The following GRIP1 variants were observed in gnomAD, a reference collection of about 807,000 sequenced individuals.
GRIP1 encodes glutamate receptor-interacting protein 1.
A neutral mutation model predicts 129.9 loss-of-function variants in GRIP1; 45 were observed. That is an observed-to-expected ratio of 0.35 (90% confidence interval 0.27 to 0.44). The LOEUF is 0.44. GRIP1 is among the 20% of genes least tolerant of loss of function. The probability of loss-of-function intolerance (pLI) is 1.00; values close to 1 mark genes in which losing one functional copy is unlikely to be tolerated. For synonymous variants in GRIP1, 530 were observed against 520.8 expected, an observed-to-expected ratio of 1.02 and a Z score of -0.24; for missense variants, 1,196 against 1,396.8, an observed-to-expected ratio of 0.86 and a Z score of 2.29.
chr12:66,440,952 C>T (rs2058455431), intron 13 of GRIP1, among the ~76,000 whole-genome samples: 1 of 152,260 alleles, frequency 6.6e-6, no homozygotes, highest in Middle Eastern at 3.4e-3. Flanking sequence ...AAAGAGGAGC[C>T]CACAATGGTG....
intron 1 of GRIP1, among the ~76,000 whole-genome samples, chr12:66,642,137 A>G (rs945923694): frequency 1.3e-5 from 2 of 152,118 alleles, no homozygotes; most frequent in Non-Finnish European, 2.9e-5. Flanking sequence ...ATCCTAGGGG[A>G]TGTTACAGGT....
intron 16 of GRIP1, among the ~76,000 whole-genome samples, chr12:66,403,219 G>T (rs1240320337): frequency 3.3e-5 from 5 of 151,836 alleles, no homozygotes; most frequent in African/African-American, 1.2e-4. Context: ...TGAGATTTTT[G>T]TGCACCCATC....
chr12:66,884,110 C>T (rs1013104102), intron 1 of GRIP1, among the ~76,000 whole-genome samples: 2 of 152,170 alleles, frequency 1.3e-5, no homozygotes, highest in Admixed American at 1.3e-4. Flanking sequence ...TATGTGAGTG[C>T]CTTTTGTTTA....
chr12:66,904,302 T>C (rs989824468), intron 1 of GRIP1, among the ~76,000 whole-genome samples: 1 of 152,194 alleles, frequency 6.6e-6, no homozygotes, highest in Middle Eastern at 3.2e-3. Context: ...AACCCCTGCA[T>C]GGTGGTGCTG....
intron 1 of GRIP1, among the ~76,000 whole-genome samples, chr12:66,963,274 C>T (rs1179465829): frequency 6.6e-6 from 1 of 152,068 alleles, no homozygotes; most frequent in Non-Finnish European, 1.5e-5. Flanking sequence ...ATGATTGCAC[C>T]ACTGTACTCC....
At position 66,459,079 on chromosome 12, in the gene GRIP1, C is replaced by G. The variant is rs551069217; in HGVS notation, c.1043-2737G>C. Among the ~76,000 whole-genome samples the G allele has an allele frequency of 8.5e-5, 13 of 152,246 alleles. No individual in the cohort carries two copies. In the South Asian group the frequency reaches 2.1e-3, roughly 24 times the overall value. On this transcript the variant is annotated intron_variant, in intron 9 of 24. Coordinates refer to ENST00000359742, the MANE Select transcript of GRIP1 (RefSeq NM_001366722.1). ...GTCTGTCTGTACTAGAATGTGAATT[C>G]TATAAGAGTAGGGATATACTTTGCC...
chr12:66,470,664 C>T (rs868275327), intron 7 of GRIP1, among the ~76,000 whole-genome samples: 2 of 152,164 alleles, frequency 1.3e-5, no homozygotes, highest in African/African-American at 4.8e-5. Flanking sequence ...TGAACAAGAA[C>T]CATGGGGTAG....
At chr12:66,633,462 A>C (rs1592678182) in intron 1 of GRIP1, among the ~76,000 whole-genome samples, 1 of 151,742 alleles carries the variant, frequency 6.6e-6, no homozygotes, top group Non-Finnish European at 1.5e-5. Flanking sequence ...AATGTCTGTA[A>C]CTTTTAAGAT....
chr12:67,044,431 T>A (rs1245631213), intron 1 of GRIP1, among the ~76,000 whole-genome samples: 1 of 152,184 alleles, frequency 6.6e-6, no homozygotes, highest in Non-Finnish European at 1.5e-5. Context: ...AACATTTTCT[T>A]GCTCACTCTC....
intron 1 of GRIP1, among the ~76,000 whole-genome samples, chr12:66,867,973 T>G (rs1345292073): frequency 3.3e-5 from 5 of 152,070 alleles, no homozygotes; most frequent in Non-Finnish European, 5.9e-5. Context: ...AAGGGAAAAA[T>G]ATGACACTTT....
intron 1 of GRIP1, among the ~76,000 whole-genome samples, chr12:66,833,706 T>C (rs998333201): frequency 6.6e-6 from 1 of 152,160 alleles, no homozygotes; most frequent in Non-Finnish European, 1.5e-5. Flanking sequence ...AAAATCAGCA[T>C]GAATTTGGGT....
chr12:66,700,119 C>A (rs974265452), intron 1 of GRIP1, among the ~76,000 whole-genome samples: 3 of 151,930 alleles, frequency 2.0e-5, no homozygotes, highest in African/African-American at 7.3e-5. Context: ...CTGGGGGAAA[C>A]CAGAGAAGGA....
chr12:66,964,913 T>C (rs1015191420), intron 1 of GRIP1, among the ~76,000 whole-genome samples: 3 of 152,166 alleles, frequency 2.0e-5, no homozygotes, highest in African/African-American at 7.2e-5. Context: ...CTTTCCTCTT[T>C]ACACGGATGT....
At chr12:66,973,772 CA>C (rs2042110057) in intron 1 of GRIP1, among the ~76,000 whole-genome samples, 1 of 152,074 alleles carries the variant, frequency 6.6e-6, no homozygotes, top group Non-Finnish European at 1.5e-5. Context: ...ACAAGTGCAT[CA>C]GCTATGTGAT....
chr12:66,484,243 C>T (rs1565789044), intron 7 of GRIP1, among the ~76,000 whole-genome samples: 1 of 152,148 alleles, frequency 6.6e-6, no homozygotes, highest in Non-Finnish European at 1.5e-5. Flanking sequence ...TCTTTGGCTT[C>T]TTTTGCACAA....
At chr12:66,739,506 A>G (rs943601711) in intron 1 of GRIP1, among the ~76,000 whole-genome samples, 5 of 152,150 alleles carry the variant, frequency 3.3e-5, no homozygotes, top group Non-Finnish European at 5.9e-5. Flanking sequence ...AGTGATAGCC[A>G]TATTTGTCAA....
chr12:66,762,598 G>A (rs181769158), intron 1 of GRIP1, among the ~76,000 whole-genome samples: 13 of 152,036 alleles, frequency 8.6e-5, no homozygotes, highest in South Asian at 6.2e-4. Context: ...TAAATCCTTC[G>A]GTGCATAGAT....
chr12:66,647,298 T>G (rs1293445111), intron 1 of GRIP1: 1 of 152,248 alleles, frequency 6.6e-6, no homozygotes, highest in Non-Finnish European at 1.5e-5. Context: ...TACACATAAG[T>G]ACCAAAGATT....
chr12:66,494,256 A>T (rs1053990775), intron 7 of GRIP1, among the ~76,000 whole-genome samples: 1 of 152,172 alleles, frequency 6.6e-6, no homozygotes, highest in African/African-American at 2.4e-5. Flanking sequence ...ATTTTAAATA[A>T]TAAGATTCTA....
Sources: gnomAD v4.1 joint callset for allele counts (sites outside exome capture counted in the v4.1 genomes callset) on GRCh38, gnomAD v4.1.1 for gene constraint, MANE v1.5 for transcripts, NCBI Gene and HGNC (gene_info 2026-07-23, HGNC 2026-07-21) for gene names.